EDARADD: variants seen among roughly 807,000 people sequenced by gnomAD.
The protein encoded by EDARADD is ectodysplasin-A receptor-associated adapter protein.
EDARADD carries 20 observed loss-of-function variants against 25.6 expected under a neutral mutation model. That is an observed-to-expected ratio of 0.78 (90% confidence interval 0.55 to 1.14). The LOEUF is 1.14. Among genes scored for constraint, EDARADD ranks in the 50% most tolerant of loss-of-function variants. The probability of loss-of-function intolerance (pLI) is 0.00; values close to 1 mark genes in which losing one functional copy is unlikely to be tolerated. For missense variants in EDARADD, 225 were observed against 270.1 expected, an observed-to-expected ratio of 0.83 and a Z score of 1.17; for synonymous variants, 86 against 94.4, an observed-to-expected ratio of 0.91 and a Z score of 0.52.
At chr1:236,463,564 T>C (rs1659097548) in intron 4 of EDARADD, among the ~76,000 whole-genome samples, 1 of 152,240 alleles carries the variant, frequency 6.6e-6, no homozygotes, top group Admixed American at 6.5e-5. Context: ...GTGCTGGGAT[T>C]ACAGGCGTGC....
chr1:236,448,952 C>T (rs952472652), intron 4 of EDARADD, among the ~76,000 whole-genome samples: 2 of 152,152 alleles, frequency 1.3e-5, no homozygotes, highest in Admixed American at 6.5e-5. Flanking sequence ...ACCACAAAGT[C>T]GGAGGCTCAA....
At chr1:236,428,620 G>A (rs376189517) in intron 4 of EDARADD, among the ~76,000 whole-genome samples, 23 of 150,268 alleles carry the variant, frequency 1.5e-4, no homozygotes, top group Non-Finnish European at 2.1e-4. Flanking sequence ...AGACATGGGC[G>A]GCCGGGCGGA....
intron 5 of EDARADD, among the ~76,000 whole-genome samples, chr1:236,477,465 G>A (rs184736214): frequency 9.7e-4 from 147 of 152,266 alleles, no homozygotes; most frequent in South Asian, 2.1e-4. Context: ...AAGGTGTTGC[G>A]CGGAAATAAG....
At chr1:236,355,035 C>T (rs1666957982) in intron 3 of EDARADD, among the ~76,000 whole-genome samples, 1 of 152,222 alleles carries the variant, frequency 6.6e-6, no homozygotes, top group African/African-American at 2.4e-5. Flanking sequence ...ACCTTTATTA[C>T]ATGCCAAAAC....
intron 4 of EDARADD, among the ~76,000 whole-genome samples, chr1:236,454,391 C>G (rs113991433): frequency 6.6e-6 from 1 of 152,082 alleles, no homozygotes; most frequent in African/African-American, 2.4e-5. Context: ...TGTCTTTGAC[C>G]CCTCACACAC....
chr1:236,402,947 ACTTGT>A (rs919550798), intron 1 of EDARADD, among the ~76,000 whole-genome samples: 3 of 151,428 alleles, frequency 2.0e-5, no homozygotes, highest in African/African-American at 7.3e-5. Flanking sequence ...AACTTTTCAA[ACTTGT>A]CTTGTCTTTT....
At chr1:236,355,069 G>A (rs1258999710) in intron 3 of EDARADD, among the ~76,000 whole-genome samples, 4 of 152,092 alleles carry the variant, frequency 2.6e-5, no homozygotes, top group Admixed American at 6.6e-5. Context: ...TTTGCAAACC[G>A]ATATCACAAA....
chr1:236,424,947 C>T (rs1224153725), intron 3 of EDARADD, among the ~76,000 whole-genome samples: 1 of 152,228 alleles, frequency 6.6e-6, no homozygotes, highest in Non-Finnish European at 1.5e-5. Context: ...TTTCTAGCCA[C>T]ATAAAGTTGT....
intron 3 of EDARADD, among the ~76,000 whole-genome samples, chr1:236,363,006 A>AAAAATAT (rs1377112051): frequency 9.3e-5 from 4 of 42,948 alleles, no homozygotes; most frequent in African/African-American, 4.4e-4. Flanking sequence ...AAAAAAAAAA[A>AAAAATAT]ATATATATAT....
At chr1:236,348,638 T>A (rs1466924359) in intron 1 of EDARADD, 1 of 152,220 alleles carries the variant, frequency 6.6e-6, no homozygotes, top group Non-Finnish European at 1.5e-5. Context: ...ACCTACAGGC[T>A]ATGTTAGAAA....
chr1:236,468,313 C>A, intron 5 of EDARADD, 37 bp downstream of exon 5: 1 of 1,601,966 alleles, frequency 6.2e-7, no homozygotes, highest in South Asian at 1.1e-5. Context: ...GGGCTAATAG[C>A]TAGTGTGGCT....
At chr1:236,456,049 A>G (rs1231297552) in intron 4 of EDARADD, among the ~76,000 whole-genome samples, 2 of 151,950 alleles carry the variant, frequency 1.3e-5, no homozygotes, top group Non-Finnish European at 2.9e-5. Context: ...TCGGCCTCCC[A>G]AAGTACAGGG....
In EDARADD at chr1:236,482,837, C is replaced by T. The variant is rs554006482; in HGVS notation, c.*188C>T. ...GGTGGTGGATCTCTGTTTATTTTTG[C>T]ACATCTGTTATAATTTAATATTCAA... On this transcript the variant is annotated 3_prime_UTR_variant, in exon 6 of 6. Transcript: ENST00000334232. 2.7e-6 allele frequency: 2 copies of T among 729,100 alleles called. No homozygotes were observed. Among genetic ancestry groups the T allele is most frequent in the South Asian group, 1.8e-5 (1 of 54,522 alleles). 45.2% of individuals were successfully genotyped at this position (729,100 alleles called of 1,614,324 possible).
upstream of EDARADD, among the ~76,000 whole-genome samples, chr1:236,393,119 T>G (rs1667447602): frequency 6.6e-6 from 1 of 152,182 alleles, no homozygotes; most frequent in African/African-American, 2.4e-5. Context: ...CAGTGAATTC[T>G]CACAATCCTG....
intron 3 of EDARADD, among the ~76,000 whole-genome samples, chr1:236,372,914 ATTTT>A (rs34634477): frequency 4.4e-5 from 5 of 113,610 alleles, no homozygotes; most frequent in Admixed American, 2.1e-4. Flanking sequence ...CTCTTCTTAC[ATTTT>A]TTTTTTTTTT....
At chr1:236,459,634 G>A (rs1456777778) in intron 4 of EDARADD, among the ~76,000 whole-genome samples, 3 of 95,580 alleles carry the variant, frequency 3.1e-5, no homozygotes, top group Admixed American at 2.7e-4. Context: ...TTTTTTTTGA[G>A]ATGGAGTTTC....
intron 3 of EDARADD, among the ~76,000 whole-genome samples, chr1:236,375,688 A>G (rs928642003): frequency 1.3e-5 from 2 of 150,834 alleles, no homozygotes; most frequent in African/African-American, 2.4e-5. Context: ...AAAAAAAATA[A>G]CCAGCCTGGG....
At chr1:236,428,762 C>T (rs1362764999) in intron 4 of EDARADD, among the ~76,000 whole-genome samples, 4 of 150,376 alleles carry the variant, frequency 2.7e-5, no homozygotes, top group African/African-American at 9.7e-5. Flanking sequence ...GCAATCTCGG[C>T]ACTTTGGGAG....
At position 236,368,444 on chromosome 1, in the gene EDARADD, T is replaced by C. The variant is rs1030516920; in HGVS notation, c.-6+17605T>C. Among the ~76,000 whole-genome samples the C allele has an allele frequency of 2.9e-4, 43 of 148,840 alleles. No homozygotes were observed. In the East Asian group the frequency reaches 7.0e-3, roughly 24 times the overall value. ...CCAGCCCCAATCCAGTCTTTTCTTT[T>C]TTTTTTTTTTTTTTTGACAGAGTTT... On this transcript the variant is annotated intron_variant, in intron 3 of 7. Transcript: ENST00000439430.
Sources: gnomAD v4.1 joint callset for allele counts (sites outside exome capture counted in the v4.1 genomes callset) on GRCh38, gnomAD v4.1.1 for gene constraint, MANE v1.5 for transcripts, NCBI Gene and HGNC (gene_info 2026-07-23, HGNC 2026-07-21) for gene names.